The following PDGFD variants were observed in gnomAD, a reference collection of about 807,000 sequenced individuals.
PDGFD encodes platelet derived growth factor D.
Under a neutral mutation model 44.7 loss-of-function variants are expected in PDGFD, and 30 were observed. The ratio of observed to expected loss-of-function variants is 0.67; its 90% confidence interval spans 0.50 to 0.91. PDGFD has a LOEUF of 0.91. Among genes scored for constraint, PDGFD ranks in the 40% least tolerant of loss-of-function variants. The pLI is 0.00. For synonymous variants in PDGFD, 173 were observed against 168.4 expected (o/e 1.03, Z -0.21); for missense variants, 445 against 457.8 (o/e 0.97, Z 0.25).
At chr11:104,057,388 G>C (rs1454832917) in intron 1 of PDGFD, among the ~76,000 whole-genome samples, 1 of 151,980 alleles carries the variant, frequency 6.6e-6, no homozygotes, top group Non-Finnish European at 1.5e-5. Flanking sequence ...AAAAAACAAA[G>C]GGCCAGACCA....
At chr11:104,148,377 A>C (rs568295173) in intron 1 of PDGFD, among the ~76,000 whole-genome samples, 4 of 152,276 alleles carry the variant, frequency 2.6e-5, no homozygotes, top group African/African-American at 9.6e-5. Flanking sequence ...AACATCCTAG[A>C]GCTATACTGT....
chr11:103,973,847 G>A (rs1591102100), intron 3 of PDGFD, among the ~76,000 whole-genome samples: 1 of 152,276 alleles, frequency 6.6e-6, no homozygotes, highest in Non-Finnish European at 1.5e-5. Context: ...GAGAGAGAGC[G>A]CTAAGGAGCA....
intron 1 of PDGFD, among the ~76,000 whole-genome samples, chr11:104,048,218 G>T (rs1476341017): frequency 6.6e-6 from 1 of 151,964 alleles, no homozygotes; most frequent in Non-Finnish European, 1.5e-5. Flanking sequence ...TTTTGAGGGT[G>T]ACATACTGAC....
rs754710218 is a variant in PDGFD at position 104,000,190 on chromosome 11, C to T, written c.190G>A (p.Val64Met). The change falls in exon 2 of 7, where the codon GTG (valine) becomes ATG (methionine). Residue 64 changes from valine (V) to methionine (M), a missense_variant. Val to Met is a conservative substitution (Grantham distance 21). Coordinates refer to ENST00000393158, the MANE Select transcript of PDGFD (RefSeq NM_025208.5). ...CTGTTCGGGAATCTAGGACTCTGCA[C>T]GTAGCCGTTTCCTTTCACCTGGATG... ...ETIQVKGNGY[V>M]QSPRFPNSYP... is the part of the protein sequence containing the mutation. 18 of 1,613,936 alleles carry T rather than the reference C, an allele frequency of 1.1e-5. No individual in the cohort carries two copies. The highest frequency in any genetic ancestry group is 3.3e-5 in the Admixed American group (2 of 60,002).
intron 3 of PDGFD, among the ~76,000 whole-genome samples, chr11:103,977,555 C>T (rs937186829): frequency 6.6e-6 from 1 of 152,010 alleles, no homozygotes; most frequent in Non-Finnish European, 1.5e-5. Context: ...GAGCTAGATT[C>T]CTTGAATCCC....
chr11:104,037,048 CA>C (rs1380026495), intron 1 of PDGFD: 1 of 1,614,126 alleles, frequency 6.2e-7, no homozygotes, highest in Non-Finnish European at 8.5e-7. Flanking sequence ...GGTTTTACTG[CA>C]GAAGGACAAT....
chr11:104,077,566 T>C (rs1860977963), intron 1 of PDGFD, among the ~76,000 whole-genome samples: 1 of 152,126 alleles, frequency 6.6e-6, no homozygotes, highest in Non-Finnish European at 1.5e-5. Flanking sequence ...CTGCAGAATA[T>C]CCCTGTACAG....
intron 6 of PDGFD, among the ~76,000 whole-genome samples, chr11:103,924,911 C>T (rs1289802648): frequency 6.6e-6 from 1 of 151,998 alleles, no homozygotes; most frequent in Non-Finnish European, 1.5e-5. Context: ...TTTGCTGCAC[C>T]CTTTAACCCA....
At chr11:103,999,208 G>A (rs1023228737) in intron 2 of PDGFD, among the ~76,000 whole-genome samples, 1 of 151,988 alleles carries the variant, frequency 6.6e-6, no homozygotes, top group African/African-American at 2.4e-5. Context: ...CCAAATTTGA[G>A]GCCCCTCTTT....
At chr11:104,111,790 T>C (rs1205153520) in intron 1 of PDGFD, among the ~76,000 whole-genome samples, 1 of 152,164 alleles carries the variant, frequency 6.6e-6, no homozygotes, top group East Asian at 1.9e-4. Context: ...AAATGTAGAA[T>C]TCATAATTAA....
At chr11:104,132,717 C>A (rs923157036) in intron 1 of PDGFD, among the ~76,000 whole-genome samples, 1 of 151,990 alleles carries the variant, frequency 6.6e-6, no homozygotes, top group Non-Finnish European at 1.5e-5. Context: ...TACCATTATC[C>A]TTTTCTCATC....
At chr11:104,148,258 C>T (rs996732164) in intron 1 of PDGFD, among the ~76,000 whole-genome samples, 5 of 152,194 alleles carry the variant, frequency 3.3e-5, no homozygotes, top group South Asian at 4.1e-4. Flanking sequence ...GTGACTCAGT[C>T]GATTTCAACA....
chr11:103,923,836 A>G (rs1429838988), intron 6 of PDGFD, among the ~76,000 whole-genome samples: 2 of 152,106 alleles, frequency 1.3e-5, no homozygotes, highest in Non-Finnish European at 1.5e-5. Context: ...AGCACTTGAC[A>G]GAGTGATTTT....
At chr11:104,028,191 GAAAA>G (rs36060540) in intron 1 of PDGFD, among the ~76,000 whole-genome samples, 6 of 116,134 alleles carry the variant, frequency 5.2e-5, no homozygotes, top group Non-Finnish European at 5.3e-5. Flanking sequence ...CTCCGTCAAA[GAAAA>G]AAAAAAAAAA....
intron 3 of PDGFD, among the ~76,000 whole-genome samples, chr11:103,962,185 G>A (rs1291925913): frequency 6.6e-6 from 1 of 152,084 alleles, no homozygotes; most frequent in Non-Finnish European, 1.5e-5. Flanking sequence ...CTTAGAATTA[G>A]GAGTCATTCC....
At chr11:103,992,847 C>G (rs897836037) in intron 3 of PDGFD, among the ~76,000 whole-genome samples, 9 of 152,286 alleles carry the variant, frequency 5.9e-5, no homozygotes, top group African/African-American at 2.2e-4. Flanking sequence ...GTGTAATAGG[C>G]TCTTGCAGTC....
intron 1 of PDGFD, among the ~76,000 whole-genome samples, chr11:104,111,573 T>C (rs991134651): frequency 5.3e-5 from 8 of 152,136 alleles, no homozygotes; most frequent in African/African-American, 1.7e-4. Context: ...TTGATTATTT[T>C]TCTATGAACA....
intron 1 of PDGFD, among the ~76,000 whole-genome samples, chr11:104,089,905 T>C (rs998876391): frequency 6.6e-6 from 1 of 152,176 alleles, no homozygotes; most frequent in African/African-American, 2.4e-5. Context: ...TGGTTGACCA[T>C]TGCTCCCTAG....
chr11:103,978,980 C>G (rs760693810), intron 3 of PDGFD, among the ~76,000 whole-genome samples: 1 of 151,980 alleles, frequency 6.6e-6, no homozygotes, highest in Non-Finnish European at 1.5e-5. Context: ...CTTAACAAGG[C>G]AGCACATCAG....
Sources: gnomAD v4.1 joint callset for allele counts (sites outside exome capture counted in the v4.1 genomes callset) on GRCh38, gnomAD v4.1.1 for gene constraint, MANE v1.5 for transcripts, NCBI Gene and HGNC (gene_info 2026-07-23, HGNC 2026-07-21) for gene names.